Variants in KCNC2 observed in about 807,000 individuals in gnomAD.
KCNC2 encodes voltage-gated potassium channel KCNC2.
KCNC2 carries 21 observed loss-of-function variants against 44.5 expected under a neutral mutation model. The observed-to-expected ratio is 0.47, with a 90% CI of 0.33 to 0.68. The LOEUF is 0.68. Ranked by LOEUF, KCNC2 falls within the 30% of genes least tolerant of loss-of-function variation. The pLI is 0.01. For synonymous variants in KCNC2, 391 were observed against 339.1 expected, an observed-to-expected ratio of 1.15 and a Z score of -1.68; for missense variants, 589 against 826.2, an observed-to-expected ratio of 0.71 and a Z score of 3.52.
intron 2 of KCNC2, among the ~76,000 whole-genome samples, chr12:75,136,328 TAACAAAAA>T: frequency 2.0e-5 from 3 of 150,758 alleles, no homozygotes; most frequent in Admixed American, 6.6e-5. Context: ...AAAAAAGAAA[TAACAAAAA>T]TCAGAATAGA....
intron 2 of KCNC2, among the ~76,000 whole-genome samples, chr12:75,125,877 C>G (rs1592924689): frequency 6.6e-6 from 1 of 152,204 alleles, no homozygotes; most frequent in African/African-American, 2.4e-5. Context: ...TCTGGGCTCT[C>G]TCACCTAGGC....
chr12:75,162,261 C>T (rs1390689760), intron 2 of KCNC2, among the ~76,000 whole-genome samples: 2 of 151,638 alleles, frequency 1.3e-5, no homozygotes, highest in East Asian at 1.9e-4. Flanking sequence ...AACTCAGTTT[C>T]TTTGATGGAA....
At chr12:75,168,509 T>C (rs1308288825) in intron 2 of KCNC2, among the ~76,000 whole-genome samples, 1 of 151,498 alleles carries the variant, frequency 6.6e-6, no homozygotes, top group African/African-American at 2.4e-5. Flanking sequence ...AATTGCATAG[T>C]TTCTATATGC....
intron 4 of KCNC2, among the ~76,000 whole-genome samples, chr12:75,045,908 C>G (rs970836083): frequency 7.3e-5 from 11 of 151,382 alleles, no homozygotes; most frequent in Non-Finnish European, 1.6e-4. Flanking sequence ...ATATTAAAAT[C>G]AAATCAGCAG....
At chr12:75,163,500 C>G (rs1891253340) in intron 2 of KCNC2, among the ~76,000 whole-genome samples, 1 of 151,680 alleles carries the variant, frequency 6.6e-6, no homozygotes, top group Non-Finnish European at 1.5e-5. Flanking sequence ...GTTTTCACAC[C>G]AGCCACTTAC....
At chr12:75,165,867 A>G (rs985762522) in intron 2 of KCNC2, among the ~76,000 whole-genome samples, 2 of 151,532 alleles carry the variant, frequency 1.3e-5, no homozygotes, top group African/African-American at 4.8e-5. Flanking sequence ...CAGGCTAGCC[A>G]TTGCTTATTT....
At chr12:75,067,657 A>C (rs1882969215) in intron 2 of KCNC2, among the ~76,000 whole-genome samples, 1 of 152,192 alleles carries the variant, frequency 6.6e-6, no homozygotes, top group East Asian at 1.9e-4. Context: ...GCAGCACTGA[A>C]AATGGGTTTT....
At position 75,207,164 on chromosome 12, in the gene KCNC2, A is replaced by T. The variant is rs1301995966; in HGVS notation, c.687+133T>A. 1.4e-6 allele frequency: 2 copies of T among 1,429,970 alleles called. No individual in the cohort carries two copies. The highest frequency in any genetic ancestry group is 2.9e-5 in the African/African-American group (2 of 68,838). 88.6% of individuals were successfully genotyped at this position (1,429,970 alleles called of 1,614,324 possible). ...TTTACCCTGCAAAGGATGAGCCTCT[A>T]ACTGTATCGCTAGGAAATCCCGGGT... is the stretch of plus-strand genomic sequence containing the variant. On this transcript the variant is annotated intron_variant, in intron 2 of 4. Coordinates refer to ENST00000549446, the MANE Select transcript of KCNC2 (RefSeq NM_139137.4). The surrounding 1 kb of genome is among the most constrained non-coding windows in gnomAD (Gnocchi z 4.1).
chr12:75,145,146 AT>A (rs1432059071), intron 2 of KCNC2, among the ~76,000 whole-genome samples: 1 of 151,826 alleles, frequency 6.6e-6, no homozygotes, highest in South Asian at 2.1e-4. Context: ...GCCCACCTCA[AT>A]TTTCCCGTTC....
intron 1 of KCNC2, among the ~76,000 whole-genome samples, chr12:75,208,260 C>T (rs1377252334): frequency 6.6e-6 from 1 of 152,096 alleles, no homozygotes; most frequent in East Asian, 1.9e-4. Flanking sequence ...TTCCCTGCCT[C>T]CCGCTTTCCT....
intron 2 of KCNC2, among the ~76,000 whole-genome samples, chr12:75,203,406 T>A (rs1046673911): frequency 6.6e-6 from 1 of 151,808 alleles, no homozygotes; most frequent in Non-Finnish European, 1.5e-5. Flanking sequence ...GCTAATAATA[T>A]GAATATTTTC....
Position 75,130,692 on chromosome 12 carries a change from G to A in KCNC2, c.687+76605C>T, listed in dbSNP as rs147195698. ...AAAATCACAGGTTATCCGTATTTGTGAGGACAAGGATTTTTTATTTGACTT... is the reference window on the plus strand; with the variant it reads ...AAAATCACAGGTTATCCGTATTTGTAAGGACAAGGATTTTTTATTTGACTT... On this transcript the variant is annotated intron_variant, in intron 2 of 4. Transcript: ENST00000549446. Among the ~76,000 whole-genome samples the A allele has an allele frequency of 3.8e-3, 582 of 151,912 alleles. 5 individuals carry two copies. The highest frequency in any genetic ancestry group is 0.013 in the African/African-American group (541 of 41,400).
chr12:75,116,935 T>C (rs776389813), intron 2 of KCNC2, among the ~76,000 whole-genome samples: 2 of 152,224 alleles, frequency 1.3e-5, no homozygotes, highest in Non-Finnish European at 2.9e-5. Context: ...CTGCTCTAGC[T>C]ATCATTTCCA....
intron 2 of KCNC2, among the ~76,000 whole-genome samples, chr12:75,054,230 T>TAA (rs554056694): frequency 4.6e-4 from 62 of 133,456 alleles, no homozygotes; most frequent in African/African-American, 1.6e-3. Flanking sequence ...TGTCTCCAAT[T>TAA]AAAAAAAAAA....
chr12:75,061,238 C>T (rs945782321), intron 2 of KCNC2, among the ~76,000 whole-genome samples: 3 of 152,018 alleles, frequency 2.0e-5, no homozygotes, highest in Non-Finnish European at 2.9e-5. Context: ...ATTTACACCA[C>T]TTTCCCCAAG....
At chr12:75,053,584 C>T (rs187629844) in intron 2 of KCNC2, among the ~76,000 whole-genome samples, 28 of 151,914 alleles carry the variant, frequency 1.8e-4, no homozygotes, top group African/African-American at 6.0e-4. Flanking sequence ...TTTAAAGGAC[C>T]ACACCATGAT....
chr12:75,182,202 T>A (rs560705306), intron 2 of KCNC2, among the ~76,000 whole-genome samples: 1 of 152,044 alleles, frequency 6.6e-6, no homozygotes, highest in South Asian at 2.1e-4. Context: ...GTAATATGTA[T>A]AAAGTGCATA....
chr12:75,127,150 T>G (rs4301846), intron 2 of KCNC2, among the ~76,000 whole-genome samples: 25,297 of 152,142 alleles, frequency 0.17, 2,683 homozygotes, highest in African/African-American at 0.29. Flanking sequence ...GAATACAGTC[T>G]GTAACAATCT....
intron 3 of KCNC2, among the ~76,000 whole-genome samples, chr12:75,049,845 G>A (rs1221994671): frequency 6.6e-6 from 1 of 152,006 alleles, no homozygotes; most frequent in Non-Finnish European, 1.5e-5. Context: ...ATATTACTAG[G>A]GAAGAGCTTT....
Sources: gnomAD v4.1 joint callset for allele counts (sites outside exome capture counted in the v4.1 genomes callset) on GRCh38, gnomAD v4.1.1 for gene constraint, Gnocchi (gnomAD v3.1) non-coding constraint, MANE v1.5 for transcripts, NCBI Gene and HGNC (gene_info 2026-07-23, HGNC 2026-07-21) for gene names.